The following ELMO1 variants were observed in gnomAD, a reference collection of about 807,000 sequenced individuals.
ELMO1 encodes engulfment and cell motility 1.
In ELMO1, 26 loss-of-function variants were observed where a neutral mutation model predicts 98.9. The ratio of observed to expected loss-of-function variants is 0.26; its 90% confidence interval spans 0.19 to 0.36. ELMO1 has a LOEUF of 0.36. Among genes scored for constraint, ELMO1 ranks in the 10% least tolerant of loss-of-function variants. The pLI is 1.00. For synonymous variants in ELMO1, 346 were observed against 346.0 expected (o/e 1.00, Z 0.00); for missense variants, 627 against 935.2 (o/e 0.67, Z 4.30).
At chr7:37,211,667 G>A in intron 12 of ELMO1, 150 bp from the exon 13 acceptor site, 5 of 1,144,524 alleles carry the variant, frequency 4.4e-6, no homozygotes, top group Non-Finnish European at 4.8e-6. Context: ...AATGTTCTAA[G>A]TTAGGGCTTT....
At chr7:36,964,172 T>C (rs896260393) in intron 16 of ELMO1, among the ~76,000 whole-genome samples, 4 of 152,228 alleles carry the variant, frequency 2.6e-5, no homozygotes, top group African/African-American at 7.2e-5. Context: ...TGATGAATTA[T>C]TGTATATGAC....
At chr7:36,889,979 A>C (rs17391979) in intron 17 of ELMO1, among the ~76,000 whole-genome samples, 16,959 of 152,268 alleles carry the variant, frequency 0.11, 1,208 homozygotes, top group Middle Eastern at 0.17. Context: ...GAATGGACTC[A>C]GTAGCCGTAA....
chr7:37,189,942 C>G (rs1301939008), intron 13 of ELMO1, among the ~76,000 whole-genome samples: 1 of 150,956 alleles, frequency 6.6e-6, no homozygotes, highest in African/African-American at 2.4e-5. Context: ...CTAGAAAACC[C>G]TGAAGACTCT....
intron 16 of ELMO1, among the ~76,000 whole-genome samples, chr7:36,954,275 TG>T (rs970745570): frequency 6.6e-6 from 1 of 152,134 alleles, no homozygotes; most frequent in African/African-American, 2.4e-5. Context: ...AGGGAATTAA[TG>T]GGGGTCACAG....
intron 1 of ELMO1, among the ~76,000 whole-genome samples, chr7:37,425,263 G>A (rs571955896): frequency 1.8e-4 from 28 of 152,282 alleles, no homozygotes; most frequent in African/African-American, 6.7e-4. Flanking sequence ...TATGTCTCAC[G>A]TGGCAGAAAG....
chr7:37,010,066 G>GAA (rs2129170314), intron 16 of ELMO1, among the ~76,000 whole-genome samples: 1 of 152,220 alleles, frequency 6.6e-6, no homozygotes, highest in East Asian at 1.9e-4. Context: ...GTCACAAAGA[G>GAA]GCTTCCTTTT....
At chr7:37,391,773 ACACT>A (rs1296471817) in intron 1 of ELMO1, among the ~76,000 whole-genome samples, 36 of 152,270 alleles carry the variant, frequency 2.4e-4, no homozygotes, top group Non-Finnish European at 4.4e-5. Context: ...CCCCCATGTA[ACACT>A]CACCAGGGAA....
chr7:37,325,823 T>C (rs974446814), intron 2 of ELMO1, among the ~76,000 whole-genome samples: 2 of 152,108 alleles, frequency 1.3e-5, no homozygotes, highest in Non-Finnish European at 2.9e-5. Flanking sequence ...TGAGAGAGGA[T>C]AGCATGTTGA....
chr7:37,220,249 C>G (rs1054255472), intron 10 of ELMO1, among the ~76,000 whole-genome samples: 8 of 152,266 alleles, frequency 5.3e-5, no homozygotes, highest in African/African-American at 1.9e-4. Context: ...TTTTGATGAA[C>G]AACATTCTTA....
chr7:37,068,283 T>C (rs1259292029), intron 15 of ELMO1, among the ~76,000 whole-genome samples: 2 of 152,178 alleles, frequency 1.3e-5, no homozygotes, highest in Non-Finnish European at 2.9e-5. Context: ...TACAGTAAGT[T>C]AGCAAGTGAG....
At chr7:37,362,953 G>A (rs2131332256) in intron 1 of ELMO1, among the ~76,000 whole-genome samples, 1 of 152,328 alleles carries the variant, frequency 6.6e-6, no homozygotes, top group South Asian at 2.1e-4. Flanking sequence ...GAATTTGGTA[G>A]AACGTGTACT....
chr7:36,918,377 T>C (rs1784873037), intron 16 of ELMO1, among the ~76,000 whole-genome samples: 1 of 152,220 alleles, frequency 6.6e-6, no homozygotes, highest in South Asian at 2.1e-4. Context: ...TTTCTTTTGC[T>C]TCTCTAATAA....
intron 6 of ELMO1, among the ~76,000 whole-genome samples, chr7:37,251,992 G>C (rs1474200507): frequency 1.3e-5 from 2 of 152,130 alleles, no homozygotes; most frequent in African/African-American, 4.8e-5. Flanking sequence ...TTGCTACAAA[G>C]AGAATATAAT....
intron 16 of ELMO1, among the ~76,000 whole-genome samples, chr7:36,972,431 A>C (rs1219757684): frequency 6.6e-6 from 1 of 152,216 alleles, no homozygotes; most frequent in Admixed American, 6.5e-5. Flanking sequence ...AGTATGGCAC[A>C]CTGGGTGGTT....
chr7:37,042,471 A>G (rs965526199), intron 15 of ELMO1, among the ~76,000 whole-genome samples: 2 of 152,166 alleles, frequency 1.3e-5, no homozygotes, highest in African/African-American at 4.8e-5. Flanking sequence ...GGAGCCCATC[A>G]GCCCAAAACA....
At chr7:37,087,366 C>T (rs188075996) in intron 15 of ELMO1, among the ~76,000 whole-genome samples, 133 of 151,614 alleles carry the variant, frequency 8.8e-4, no homozygotes, top group Non-Finnish European at 1.7e-3. Context: ...CCAGTTTAGT[C>T]TCAGTTTTTG....
intron 15 of ELMO1, among the ~76,000 whole-genome samples, chr7:37,036,170 C>T (rs1235208872): frequency 6.6e-6 from 1 of 151,726 alleles, no homozygotes; most frequent in Non-Finnish European, 1.5e-5. Flanking sequence ...GGAGTATTTT[C>T]AAATTGTCGC....
intron 15 of ELMO1, among the ~76,000 whole-genome samples, chr7:37,013,955 A>C (rs886509648): frequency 6.6e-6 from 1 of 152,186 alleles, no homozygotes; most frequent in Non-Finnish European, 1.5e-5. Flanking sequence ...GGAACATTTG[A>C]GATCATTAAC....
intron 13 of ELMO1, among the ~76,000 whole-genome samples, chr7:37,178,221 G>A (rs12536202): frequency 0.089 from 13,552 of 151,924 alleles, 705 homozygotes; most frequent in African/African-American, 0.14. Flanking sequence ...CAATCATGGC[G>A]GAAGGTCAAA....
Sources: allele counts gnomAD v4.1 joint callset (sites outside exome capture counted in the v4.1 genomes callset), GRCh38; gene constraint gnomAD v4.1.1; transcripts MANE v1.5; gene names NCBI Gene and HGNC (gene_info 2026-07-23, HGNC 2026-07-21).